The following FHOD3 variants were observed in gnomAD, a reference collection of about 807,000 sequenced individuals.
FHOD3 encodes formin homology 2 domain containing 3, also known as FH1/FH2 domain-containing protein 3.
Under a neutral mutation model 173.0 loss-of-function variants are expected in FHOD3, and 90 were observed. The observed-to-expected ratio is 0.52, with a 90% CI of 0.44 to 0.62. The LOEUF is 0.62. Among genes scored for constraint, FHOD3 ranks in the 20% least tolerant of loss-of-function variants. The probability of loss-of-function intolerance (pLI) is 0.00; values close to 1 mark genes in which losing one functional copy is unlikely to be tolerated. For missense variants in FHOD3, 1,945 were observed against 2,034.7 expected, an observed-to-expected ratio of 0.96 and a Z score of 0.85; for synonymous variants, 828 against 823.0, an observed-to-expected ratio of 1.01 and a Z score of -0.10.
At chr18:36,698,822 C>T (rs989064023) in intron 17 of FHOD3, among the ~76,000 whole-genome samples, 16 of 152,168 alleles carry the variant, frequency 1.1e-4, no homozygotes, top group African/African-American at 3.9e-4. Context: ...ACATTTGTGC[C>T]ATTTCCCCAA....
chr18:36,526,683 G>A (rs994584497), intron 5 of FHOD3, among the ~76,000 whole-genome samples: 2 of 152,210 alleles, frequency 1.3e-5, no homozygotes, highest in Non-Finnish European at 2.9e-5. Flanking sequence ...GATTACAGAT[G>A]TGAGCCACCA....
intron 3 of FHOD3, among the ~76,000 whole-genome samples, chr18:36,455,983 C>T (rs2052185052): frequency 6.6e-6 from 1 of 152,162 alleles, no homozygotes; most frequent in South Asian, 2.1e-4. Flanking sequence ...CCTGTAGATA[C>T]TGTCAAGGCC....
chr18:36,358,957 A>G (rs2046484742), intron 2 of FHOD3, among the ~76,000 whole-genome samples: 1 of 152,200 alleles, frequency 6.6e-6, no homozygotes, highest in African/African-American at 2.4e-5. Context: ...AAATCACCCT[A>G]GAGTGAGGGT....
At chr18:36,480,667 T>C (rs914282123) in intron 3 of FHOD3, among the ~76,000 whole-genome samples, 1 of 152,252 alleles carries the variant, frequency 6.6e-6, no homozygotes, top group Non-Finnish European at 1.5e-5. Context: ...TAAGATATTA[T>C]GTACAAAACT....
chr18:36,414,500 G>C (rs538519225), intron 3 of FHOD3, among the ~76,000 whole-genome samples: 14 of 152,268 alleles, frequency 9.2e-5, no homozygotes, highest in African/African-American at 3.4e-4. Flanking sequence ...ACCAAGGAGA[G>C]CTGCTGCCCA....
chr18:36,661,209 G>T (rs2036775130), intron 14 of FHOD3, among the ~76,000 whole-genome samples: 1 of 151,510 alleles, frequency 6.6e-6, no homozygotes, highest in Non-Finnish European at 1.5e-5. Context: ...TTGCACTTAT[G>T]ATAATAGACA....
At chr18:36,624,364 G>A (rs1210392514) in intron 9 of FHOD3, among the ~76,000 whole-genome samples, 2 of 152,172 alleles carry the variant, frequency 1.3e-5, no homozygotes, top group Non-Finnish European at 2.9e-5. Context: ...GTTCATTAGT[G>A]GCACAGCCAG....
At chr18:36,754,929 G>T (rs944826499) in intron 24 of FHOD3, among the ~76,000 whole-genome samples, 190 bp from the exon 25 acceptor site, 1 of 150,674 alleles carries the variant, frequency 6.6e-6, no homozygotes, top group African/African-American at 2.4e-5. Context: ...AAAGCCCCAG[G>T]AATGAAGGAC....
chr18:36,736,556 G>A (rs978482942), intron 20 of FHOD3, among the ~76,000 whole-genome samples: 7 of 152,216 alleles, frequency 4.6e-5, no homozygotes, highest in Non-Finnish European at 8.8e-5. Flanking sequence ...TTCCCCCAGA[G>A]TCTGGCCATC....
chr18:36,694,871 C>T (rs573991086), intron 17 of FHOD3, among the ~76,000 whole-genome samples: 14 of 152,188 alleles, frequency 9.2e-5, no homozygotes, highest in South Asian at 4.2e-4. Flanking sequence ...TAATTTCTTA[C>T]GTATTTGATT....
intron 7 of FHOD3, among the ~76,000 whole-genome samples, chr18:36,600,532 G>C (rs2031223417): frequency 1.3e-5 from 2 of 152,214 alleles, no homozygotes; most frequent in Admixed American, 1.3e-4. Flanking sequence ...TCCATCCTAA[G>C]AGTGTACAAA....
At chr18:36,692,578 C>G (rs2039029429) in intron 16 of FHOD3, among the ~76,000 whole-genome samples, 1 of 151,572 alleles carries the variant, frequency 6.6e-6, no homozygotes, top group African/African-American at 2.4e-5. Context: ...TTTAAACTGA[C>G]TTTGATGAAT....
intron 3 of FHOD3, among the ~76,000 whole-genome samples, chr18:36,429,603 A>G (rs2050424980): frequency 6.6e-6 from 1 of 152,198 alleles, no homozygotes; most frequent in African/African-American, 2.4e-5. Flanking sequence ...TAGCACAGAT[A>G]AGGAATTCTT....
At chr18:36,695,772 G>A (rs2039248883) in intron 17 of FHOD3, among the ~76,000 whole-genome samples, 1 of 152,150 alleles carries the variant, frequency 6.6e-6, no homozygotes, top group African/African-American at 2.4e-5. Context: ...ATGCAAAGTT[G>A]GTGTCACCAA....
At chr18:36,753,662 A>G (rs1434717049) in intron 24 of FHOD3, among the ~76,000 whole-genome samples, 1 of 152,202 alleles carries the variant, frequency 6.6e-6, no homozygotes, top group East Asian at 1.9e-4. Flanking sequence ...AAACCATTTT[A>G]TCTTCCTACC....
intron 6 of FHOD3, among the ~76,000 whole-genome samples, chr18:36,582,894 C>G (rs1279510677): frequency 6.6e-6 from 1 of 152,200 alleles, no homozygotes; most frequent in African/African-American, 2.4e-5. Flanking sequence ...CCAGTTTCTT[C>G]CATTCTGCGT....
chr18:36,635,279 T>C (rs80029205), intron 10 of FHOD3, among the ~76,000 whole-genome samples: 3,900 of 152,278 alleles, frequency 0.026, 177 homozygotes, highest in African/African-American at 0.09. Context: ...TGCAAATTTG[T>C]TGTGGGTTTG....
At position 36,468,230 on chromosome 18, in the gene FHOD3, C is replaced by T. The variant is rs547614672; in HGVS notation, c.338-33702C>T. 8.5e-5 allele frequency among the ~76,000 whole-genome samples: 13 copies of T among 152,304 alleles called. No homozygotes were observed. The South Asian group carries it at 1.2e-3, about 15-fold the overall frequency. On this transcript the variant is annotated intron_variant, in intron 3 of 28. Coordinates refer to ENST00000590592, the MANE Select transcript of FHOD3 (RefSeq NM_001281740.3). ...TCTGATGTGCCTTCCACCTTAATGA[C>T]TCTGCAGTGCCGAAGCCATAGGGAT...
intron 24 of FHOD3, among the ~76,000 whole-genome samples, chr18:36,752,121 C>T (rs562823972): frequency 5.8e-4 from 88 of 152,232 alleles, no homozygotes; most frequent in African/African-American, 1.7e-3. Flanking sequence ...CATCAGATCT[C>T]GTGAGATCTT....
Sources: allele counts gnomAD v4.1 joint callset (sites outside exome capture counted in the v4.1 genomes callset), GRCh38; gene constraint gnomAD v4.1.1; transcripts MANE v1.5; gene names NCBI Gene and HGNC (gene_info 2026-07-23, HGNC 2026-07-21).